Variants in FBLN1 observed in about 807,000 individuals in gnomAD.
FBLN1 encodes the protein fibulin 1.
FBLN1 carries 34 observed loss-of-function variants against 89.7 expected under a neutral mutation model. The observed-to-expected ratio is 0.38, with a 90% CI of 0.29 to 0.50. The LOEUF is 0.50. FBLN1 is among the 20% of genes least tolerant of loss of function. FBLN1 has a pLI of 0.92. For synonymous variants in FBLN1, 393 were observed against 391.3 expected (o/e 1.00, Z -0.05); for missense variants, 777 against 988.1 (o/e 0.79, Z 2.86).
rs942938302 is a variant in FBLN1, at chr22:45,590,023, C to T, written c.1973-10284C>T. Reference sequence around the variant, plus strand: ...CTGCTGCCCCAATCCCCTGTGCCTGCTCTCCCAGTGGCTGAGAGCCCCATG... The same window carrying T: ...CTGCTGCCCCAATCCCCTGTGCCTGTTCTCCCAGTGGCTGAGAGCCCCATG... On this transcript the variant is annotated intron_variant, in intron 16 of 16. Coordinates refer to ENST00000327858, the MANE Select transcript of FBLN1 (RefSeq NM_006486.3). This position sits in a 1 kb window ranked among gnomAD's most constrained non-coding sequence, Gnocchi z 4.1. Among the ~76,000 whole-genome samples, 6 of 152,240 alleles carry T rather than the reference C, an allele frequency of 3.9e-5. No homozygotes were observed. Among genetic ancestry groups the T allele is most frequent in the African/African-American group, 1.4e-4 (6 of 41,462 alleles).
At chr22:45,539,176 C>T (rs1312073398) in intron 8 of FBLN1, among the ~76,000 whole-genome samples, 16 of 133,750 alleles carry the variant, frequency 1.2e-4, no homozygotes, top group East Asian at 2.3e-4. Flanking sequence ...TCTCCCTCCC[C>T]GCCTCCCCCT....
At position 45,536,413 on chromosome 22, in the gene FBLN1, G is replaced by A. The variant is rs5765458; in HGVS notation, c.922+1076G>A. Among the ~76,000 whole-genome samples the A allele has an allele frequency of 6.6e-6, 1 of 152,100 alleles. No homozygotes were observed. The highest frequency in any genetic ancestry group is 1.5e-5 in the Non-Finnish European group (1 of 68,006). On this transcript the variant is annotated intron_variant, in intron 8 of 16. Coordinates refer to ENST00000327858, the MANE Select transcript of FBLN1 (RefSeq NM_006486.3). This position sits in a 1 kb window ranked among gnomAD's most constrained non-coding sequence, Gnocchi z 5.1. ...TGAACCGTCTACTTAAAATGGTTAC[G>A]ATGGCAGATTTTGTGTTACATAAAA... is the stretch of plus-strand genomic sequence containing the variant.
At chr22:45,558,519 C>G (rs1319342733) in intron 14 of FBLN1, 1 of 164,504 alleles carries the variant, frequency 6.1e-6, no homozygotes, top group Non-Finnish European at 1.3e-5. Context: ...CCACTGACAC[C>G]TCAAGCAACA....
chr22:45,576,846 C>T lies in FBLN1; in HGVS notation c.1841-131C>T. On this transcript the variant is annotated intron_variant, in intron 15 of 16. Transcript: ENST00000327858. This position sits in a 1 kb window ranked among gnomAD's most constrained non-coding sequence, Gnocchi z 5.2. ...TCCCCACACAGGGGATCTCTGGCTT[C>T]ATTGATGTTGTCTCATGAAAGGGCC... 9.3e-7 allele frequency: 1 copy of T among 1,073,096 alleles called. No individual in the cohort carries two copies. The allele number at this position is 1,073,096 out of a possible 1,614,324, so 66.5% of individuals were successfully genotyped here.
At position 45,508,286 on chromosome 22, in the gene FBLN1, C is replaced by CTTTTTTTTTTTTTTTTTT. The variant is rs1350335831; in HGVS notation, c.79+5231_79+5232insTTTTTTTTTTTTTTTTTT. Among the ~76,000 whole-genome samples, 21 of 129,136 alleles carry CTTTTTTTTTTTTTTTTTT rather than the reference C, an allele frequency of 1.6e-4. 1 individual carries two copies. Among genetic ancestry groups the CTTTTTTTTTTTTTTTTTT allele is most frequent in the Admixed American group, 9.6e-4 (12 of 12,552 alleles). The allele number at this position is 129,136 out of a possible 152,430, so 84.7% of individuals were successfully genotyped here. On this transcript the variant is annotated intron_variant, in intron 1 of 16. Coordinates refer to ENST00000327858, the MANE Select transcript of FBLN1 (RefSeq NM_006486.3). Reference sequence around the variant, plus strand: ...CAGCACACTGGACAGCCTCGCGTATCTTTTTTTTTGAGACGGAGTCTTGCA... The same window carrying CTTTTTTTTTTTTTTTTTT: ...CAGCACACTGGACAGCCTCGCGTATCTTTTTTTTTTTTTTTTTTTTTTTTTTTGAGACGGAGTCTTGCA...
At chr22:45,544,275 C>T (rs541311421) in intron 11 of FBLN1, among the ~76,000 whole-genome samples, 54,403 of 151,796 alleles carry the variant, frequency 0.36, 10,383 homozygotes, top group Middle Eastern at 0.5. Flanking sequence ...TTAGTAGAGA[C>T]AGGGTTTCCC....
At chr22:45,566,385 G>A (rs535088377) in intron 14 of FBLN1, among the ~76,000 whole-genome samples, 3 of 152,316 alleles carry the variant, frequency 2.0e-5, no homozygotes, top group African/African-American at 7.2e-5. Flanking sequence ...GTGCCTGAGT[G>A]CACTGTGGGA....
intron 1 of FBLN1, among the ~76,000 whole-genome samples, chr22:45,505,649 G>A (rs917540912): frequency 6.6e-6 from 1 of 152,252 alleles, no homozygotes; most frequent in African/African-American, 2.4e-5. Context: ...AAAGCCATGA[G>A]ATGGTTTGGT....
chr22:45,528,039 CA>C (rs2088354352), intron 4 of FBLN1, 30 bp downstream of exon 4: 1 of 1,611,680 alleles, frequency 6.2e-7, no homozygotes, highest in South Asian at 1.1e-5. Context: ...CCCTAATGAG[CA>C]GTGTATTAAG....
Position 45,574,139 on chromosome 22 carries a change from C to T in FBLN1, c.1698-372C>T, listed in dbSNP as rs144330241. On this transcript the variant is annotated intron_variant, in intron 14 of 16. Coordinates refer to ENST00000327858, the MANE Select transcript of FBLN1 (RefSeq NM_006486.3). This position sits in a 1 kb window ranked among gnomAD's most constrained non-coding sequence, Gnocchi z 4.1. ...ATGTGTCCCTTGTTCACTTTGCTGT[C>T]CCTAGCAGCCGGCGCCTGGCACTCA... is the stretch of plus-strand genomic sequence containing the variant. Among the ~76,000 whole-genome samples, 1 of 152,330 alleles carries T rather than the reference C, an allele frequency of 6.6e-6. No individual in the cohort carries two copies. Among genetic ancestry groups the T allele is most frequent in the South Asian group, 2.1e-4 (1 of 4,818 alleles).
chr22:45,585,002 G>A (rs1191898834), intron 16 of FBLN1, among the ~76,000 whole-genome samples: 1 of 152,198 alleles, frequency 6.6e-6, no homozygotes, highest in South Asian at 2.1e-4. Flanking sequence ...TCCAAGCTAC[G>A]CATCCTGCTT....
At position 45,586,785 on chromosome 22, in the gene FBLN1, A is replaced by G. The variant is rs534165497; in HGVS notation, c.1972+9677A>G. On this transcript the variant is annotated intron_variant, in intron 16 of 16. Coordinates refer to ENST00000327858, the MANE Select transcript of FBLN1 (RefSeq NM_006486.3). ...AGGAGGGCCCGGAATGGGGCCACGT[A>G]GGAAAGGGTCACATCCATTCACCCT... Among the ~76,000 whole-genome samples, 325 of 152,214 alleles carry G rather than the reference A, an allele frequency of 2.1e-3. 1 individual carries two copies. Among genetic ancestry groups the G allele is most frequent in the African/African-American group, 7.3e-3 (303 of 41,544 alleles).
At chr22:45,523,077 G>A (rs2088272340) in intron 2 of FBLN1, 1 of 756,210 alleles carries the variant, frequency 1.3e-6, no homozygotes, top group African/African-American at 1.7e-5. Context: ...CTCATGGTGG[G>A]TTTATAATTT....
intron 1 of FBLN1, among the ~76,000 whole-genome samples, chr22:45,511,897 T>G (rs1012133856): frequency 1.3e-5 from 2 of 152,182 alleles, no homozygotes; most frequent in Admixed American, 6.5e-5. Context: ...TTGCAAGAGT[T>G]TGCTCTTGGT....
Position 45,517,578 on chromosome 22 carries a change from C to T in FBLN1, c.80-1104C>T, listed in dbSNP as rs150748152. ...GTGATCCTTTCATCTGCCCTTTTTGCGAGTGGGAGATAAGATGGCCAGGCT... is the reference window on the plus strand; with the variant it reads ...GTGATCCTTTCATCTGCCCTTTTTGTGAGTGGGAGATAAGATGGCCAGGCT... On this transcript the variant is annotated intron_variant, in intron 1 of 16. Transcript: ENST00000327858. 1.2e-3 allele frequency: 549 copies of T among 471,140 alleles called. 1 individual carries two copies. Among genetic ancestry groups the T allele is most frequent in the Non-Finnish European group, 1.9e-3 (432 of 227,038 alleles). 29.2% of individuals were successfully genotyped at this position (471,140 alleles called of 1,614,324 possible). A position where few individuals can be genotyped will look rare whatever the true frequency, so the allele number is the denominator to read the frequency against.
At position 45,556,055 on chromosome 22, in the gene FBLN1, G is replaced by C. The variant is rs1022460002; in HGVS notation, c.1697+5440G>C. 1.3e-5 allele frequency among the ~76,000 whole-genome samples: 2 copies of C among 152,174 alleles called. No individual in the cohort carries two copies. The highest frequency in any genetic ancestry group is 4.8e-5 in the African/African-American group (2 of 41,436). ...CTGTTGCCGAGGCTGAAGTGTGGTGGTGTGATTTTGTCTCACCGCAACCTC... is the reference window on the plus strand; with the variant it reads ...CTGTTGCCGAGGCTGAAGTGTGGTGCTGTGATTTTGTCTCACCGCAACCTC... On this transcript the variant is annotated intron_variant, in intron 14 of 16. Transcript: ENST00000327858. The surrounding 1 kb of genome is among the most constrained non-coding windows in gnomAD (Gnocchi z 4.6).
rs1284606506 is a variant in FBLN1, at chr22:45,547,182, T to C, written c.1419T>C (p.Asp473=). The C allele has an allele frequency of 6.2e-7, 1 of 1,613,942 alleles. No individual in the cohort carries two copies. The highest frequency in any genetic ancestry group is 8.5e-7 in the Non-Finnish European group (1 of 1,180,020). ...GCCGGCGAGGCTACCAGCTCAGCGA[T>C]GTGGATGGAGTCACCTGTGAAGGTG... ...CYCRRGYQLS[D]VDGVTCEDID... The change falls in exon 12 of 17, where the codon GAT becomes GAC. Residue 473 remains aspartate (D), a synonymous_variant. Coordinates refer to ENST00000327858, the MANE Select transcript of FBLN1 (RefSeq NM_006486.3).
chr22:45,509,673 G>C (rs147553127), intron 1 of FBLN1, among the ~76,000 whole-genome samples: 156 of 152,232 alleles, frequency 1.0e-3, no homozygotes, highest in Middle Eastern at 3.4e-3. Context: ...TTAGCCAGGC[G>C]TGGTGGTAGG....
At chr22:45,596,978 T>C (rs980119986) in intron 16 of FBLN1, among the ~76,000 whole-genome samples, 1 of 150,852 alleles carries the variant, frequency 6.6e-6, no homozygotes, top group Non-Finnish European at 1.5e-5. Flanking sequence ...CTATATAATA[T>C]ACAGAAATAT....
Sources: gnomAD v4.1 joint callset for allele counts (sites outside exome capture counted in the v4.1 genomes callset) on GRCh38, gnomAD v4.1.1 for gene constraint, Gnocchi (gnomAD v3.1) non-coding constraint, MANE v1.5 for transcripts, NCBI Gene and HGNC (gene_info 2026-07-23, HGNC 2026-07-21) for gene names.